The following ANO10 variants were observed in gnomAD, a reference collection of about 807,000 sequenced individuals.
ANO10 encodes the protein anoctamin 10.
Under a neutral mutation model 74.7 loss-of-function variants are expected in ANO10, and 77 were observed. The ratio of observed to expected loss-of-function variants is 1.03; its 90% CI spans 0.86 to 1.25. The LOEUF (loss-of-function observed/expected upper bound fraction) is 1.25, where lower values mean the gene tolerates loss of function less well. Among genes scored for constraint, ANO10 ranks in the 50% most tolerant of loss-of-function variants. The pLI, the probability that ANO10 is intolerant of heterozygous loss-of-function variation, is 0.00. For missense variants in ANO10, 721 were observed against 778.1 expected, an observed-to-expected ratio of 0.93 and a Z score of 0.87; for synonymous variants, 279 against 284.9, an observed-to-expected ratio of 0.98 and a Z score of 0.21.
Position 43,594,257 on chromosome 3 carries a change from G to A in ANO10, c.472+4275C>T, listed in dbSNP as rs778742885. Among the ~76,000 whole-genome samples, 23 of 152,146 alleles carry A rather than the reference G, an allele frequency of 1.5e-4. No homozygotes were observed. The South Asian group carries it at 1.9e-3, about 12-fold the overall frequency. On this transcript the variant is annotated intron_variant, in intron 4 of 12. Transcript: ENST00000292246. Reference sequence around the variant, plus strand: ...AATTGAACTCAGCTCTCCACCAAGCGGACCTAATAGACATCTACAGAACTC... The same window carrying A: ...AATTGAACTCAGCTCTCCACCAAGCAGACCTAATAGACATCTACAGAACTC...
chr3:43,600,113 C>T (rs2082270166), intron 3 of ANO10, among the ~76,000 whole-genome samples: 1 of 152,164 alleles, frequency 6.6e-6, no homozygotes, highest in Non-Finnish European at 1.5e-5. Context: ...CAAAGGATGG[C>T]AACAGGCCAA....
chr3:43,486,057 G>A (rs1160949837), intron 11 of ANO10, among the ~76,000 whole-genome samples: 1 of 152,196 alleles, frequency 6.6e-6, no homozygotes, highest in Non-Finnish European at 1.5e-5. Context: ...TCTCTTGTTG[G>A]GCAAATTTGC....
intron 11 of ANO10, among the ~76,000 whole-genome samples, chr3:43,444,906 T>A (rs547914926): frequency 2.0e-5 from 3 of 151,984 alleles, no homozygotes; most frequent in South Asian, 4.2e-4. Context: ...GGCGGATCAC[T>A]AGGTCAGGAG....
chr3:43,643,192 C>T (rs1249816068), intron 1 of ANO10, among the ~76,000 whole-genome samples: 1 of 151,844 alleles, frequency 6.6e-6, no homozygotes, highest in African/African-American at 2.4e-5. Context: ...CCACGACGCC[C>T]GGCTAATTTT....
chr3:43,511,609 C>T lies in ANO10; in HGVS notation c.1797+38111G>A, dbSNP rs150153210. ...GTCTGTTAGTCATTGCCCTTCATTC[C>T]TTGTAGCTCCCACCTTAGTACCCCA... On this transcript the variant is annotated intron_variant, in intron 11 of 12. Coordinates refer to ENST00000292246, the MANE Select transcript of ANO10 (RefSeq NM_018075.5). Among the ~76,000 whole-genome samples, 114 of 152,252 alleles carry T rather than the reference C, an allele frequency of 7.5e-4. 1 individual carries two copies. The East Asian group carries it at 0.021, about 28-fold the overall frequency.
intron 12 of ANO10, among the ~76,000 whole-genome samples, chr3:43,393,770 C>T (rs954417256): frequency 1.3e-5 from 2 of 152,152 alleles, no homozygotes; most frequent in Non-Finnish European, 2.9e-5. Flanking sequence ...AGCAAGCAAG[C>T]AAAACCCTCC....
intron 1 of ANO10, among the ~76,000 whole-genome samples, chr3:43,641,462 G>A (rs2083669324): frequency 6.6e-6 from 1 of 152,144 alleles, no homozygotes; most frequent in South Asian, 2.1e-4. Context: ...AGCCCAATGA[G>A]AACCTGTGTT....
At chr3:43,690,874 C>A (rs966802722) in intron 1 of ANO10, 1 of 1,143,604 alleles carries the variant, frequency 8.7e-7, no homozygotes, top group Non-Finnish European at 1.2e-6. Flanking sequence ...CGTGCTAGTG[C>A]GCGGAAGACG....
At chr3:43,560,614 T>C (rs1171235944) in intron 9 of ANO10, among the ~76,000 whole-genome samples, 1 of 152,212 alleles carries the variant, frequency 6.6e-6, no homozygotes, top group East Asian at 1.9e-4. Flanking sequence ...AAACAGTGAA[T>C]GTAGTCAGAG....
chr3:43,453,713 G>T (rs1223667579), intron 11 of ANO10, among the ~76,000 whole-genome samples: 1 of 152,178 alleles, frequency 6.6e-6, no homozygotes, highest in Non-Finnish European at 1.5e-5. Flanking sequence ...GTGCTGAAAA[G>T]ATTATTCTTT....
At chr3:43,426,900 C>A (rs960880485) in intron 12 of ANO10, among the ~76,000 whole-genome samples, 2 of 152,164 alleles carry the variant, frequency 1.3e-5, no homozygotes, top group African/African-American at 2.4e-5. Flanking sequence ...TTTAGAAACA[C>A]ACATAGCTTC....
At chr3:43,518,583 T>C (rs894940130) in intron 11 of ANO10, among the ~76,000 whole-genome samples, 5 of 152,076 alleles carry the variant, frequency 3.3e-5, no homozygotes, top group African/African-American at 9.7e-5. Flanking sequence ...CAAAAGCAAA[T>C]AGGAGAAATA....
intron 4 of ANO10, 121 bp downstream of exon 4, chr3:43,598,411 T>C (rs2082186547): frequency 3.1e-6 from 3 of 973,936 alleles, no homozygotes; most frequent in Non-Finnish European, 4.6e-6. Context: ...GGAAAAGATA[T>C]GTTCATAAAA....
Position 43,388,271 on chromosome 3 carries a change from T to C in ANO10, c.1915-21297A>G, listed in dbSNP as rs536089668. On this transcript the variant is annotated intron_variant, in intron 12 of 12. Transcript: ENST00000292246. ...CTGGCCTGTGGTGTGTGTGTCGGCA[T>C]TGGTGGGCTGAGATAGGGTTTTGAG... 9.9e-5 allele frequency among the ~76,000 whole-genome samples: 15 copies of C among 152,136 alleles called. 1 individual carries two copies. The South Asian group carries it at 2.3e-3, about 23-fold the overall frequency.
At chr3:43,548,248 T>TGTGAA (rs1020903790) in intron 11 of ANO10, among the ~76,000 whole-genome samples, 1 of 152,212 alleles carries the variant, frequency 6.6e-6, no homozygotes, top group Non-Finnish European at 1.5e-5. Context: ...TTTTTAGATC[T>TGTGAA]GTGAAGTGAA....
At chr3:43,626,684 T>C (rs9852783), upstream of ANO10, among the ~76,000 whole-genome samples, 65,250 of 152,048 alleles carry the variant, frequency 0.43, 16,649 homozygotes, top group East Asian at 0.77. Context: ...TATATCTTGA[T>C]AGCTACACAT....
chr3:43,378,252 C>T (rs563627436), intron 12 of ANO10, among the ~76,000 whole-genome samples: 6 of 152,188 alleles, frequency 3.9e-5, no homozygotes, highest in Admixed American at 3.9e-4. Context: ...AAAGGGTGAG[C>T]TCCTTCTCTG....
Position 43,586,536 on chromosome 3 carries a change from A to C in ANO10, c.473-6064T>G, listed in dbSNP as rs146035691. Among the ~76,000 whole-genome samples the C allele has an allele frequency of 2.1e-3, 321 of 152,282 alleles. 2 individuals are homozygous for C. Among genetic ancestry groups the C allele is most frequent in the African/African-American group, 7.1e-3 (296 of 41,540 alleles). On this transcript the variant is annotated intron_variant, in intron 4 of 12. Transcript: ENST00000292246. ...CCAGGAAAAATAAGGGTTCATTAAA[A>C]CATAAGTAATAAAAAATAAGTAATA... is the stretch of plus-strand genomic sequence containing the variant.
intron 11 of ANO10, among the ~76,000 whole-genome samples, chr3:43,519,634 G>T (rs1008716224): frequency 6.6e-6 from 1 of 152,030 alleles, no homozygotes; most frequent in Non-Finnish European, 1.5e-5. Flanking sequence ...ATTTTCAAAA[G>T]CTTCATCCAA....
Sources: gnomAD v4.1 joint callset for allele counts (sites outside exome capture counted in the v4.1 genomes callset) on GRCh38, gnomAD v4.1.1 for gene constraint, MANE v1.5 for transcripts, NCBI Gene and HGNC (gene_info 2026-07-23, HGNC 2026-07-21) for gene names.